The following SHISA9 variants were observed in gnomAD, a reference collection of about 807,000 sequenced individuals.
The protein encoded by SHISA9 is protein shisa-9.
Under a neutral mutation model 38.0 loss-of-function variants are expected in SHISA9, and 13 were observed. That is an observed-to-expected ratio of 0.34 (90% CI 0.22 to 0.54). The LOEUF is 0.54. Among genes scored for constraint, SHISA9 ranks in the 20% least tolerant of loss-of-function variants. The pLI is 0.91. For synonymous variants in SHISA9, 275 were observed against 242.0 expected (o/e 1.14, Z -1.27); for missense variants, 538 against 575.8 (o/e 0.93, Z 0.67).
At position 13,236,281 on chromosome 16, in the gene SHISA9, A is replaced by G. The variant is rs1219454187; in HGVS notation, c.*872A>G. ...AAAATGTAAGCCCACTACAAAACAG[A>G]TAAAAACGGCAAATTAGGTGTTTTT... On this transcript the variant is annotated 3_prime_UTR_variant, in exon 5 of 5. Coordinates refer to ENST00000558583, the MANE Select transcript of SHISA9 (RefSeq NM_001145204.3). The G allele has an allele frequency of 6.9e-6, 1 of 144,756 alleles. No homozygotes were observed. The highest frequency in any genetic ancestry group is 1.5e-5 in the Non-Finnish European group (1 of 67,036). The allele number at this position is 144,756 out of a possible 1,614,324, so 9.0% of individuals were successfully genotyped here.
the SHISA9 span, among the ~76,000 whole-genome samples, chr16:13,464,614 C>A: frequency 6.6e-6 from 1 of 152,154 alleles, no homozygotes; most frequent in Non-Finnish European, 1.5e-5. Flanking sequence ...TTTCCCAAAA[C>A]CACTGATTTG....
chr16:13,491,959 G>T, the SHISA9 span, among the ~76,000 whole-genome samples: 1 of 147,550 alleles, frequency 6.8e-6, no homozygotes, highest in African/African-American at 2.5e-5. Flanking sequence ...TAACAAGCAT[G>T]AGCCACCATG....
At chr16:13,313,305 G>C in the SHISA9 span, among the ~76,000 whole-genome samples, 6 of 149,336 alleles carry the variant, frequency 4.0e-5, no homozygotes, top group Admixed American at 1.3e-4. Context: ...TCAAGGTTTA[G>C]ATATGTTATT....
intron 2 of SHISA9, among the ~76,000 whole-genome samples, chr16:13,128,552 A>G (rs2050280405): frequency 6.6e-6 from 1 of 152,194 alleles, no homozygotes; most frequent in African/African-American, 2.4e-5. Flanking sequence ...GAGAATGATC[A>G]TGACTGAGAT....
intron 2 of SHISA9, among the ~76,000 whole-genome samples, chr16:12,990,282 C>A (rs202207448): frequency 1.3e-5 from 2 of 152,158 alleles, no homozygotes; most frequent in East Asian, 3.9e-4. Context: ...GACTTATATT[C>A]CTTTGGGCAT....
intron 2 of SHISA9, among the ~76,000 whole-genome samples, chr16:12,969,399 G>T (rs940145931): frequency 6.7e-6 from 1 of 149,880 alleles, no homozygotes; most frequent in Admixed American, 6.7e-5. Context: ...GTGCTCACTT[G>T]GTGGAAATTC....
intron 2 of SHISA9, among the ~76,000 whole-genome samples, chr16:13,107,217 A>T (rs1295707459): frequency 2.6e-5 from 4 of 151,962 alleles, no homozygotes; most frequent in African/African-American, 4.8e-5. Context: ...AGATCACCTG[A>T]GGTCAGTAGT....
At chr16:13,026,861 G>A (rs752087729) in intron 2 of SHISA9, among the ~76,000 whole-genome samples, 2 of 152,148 alleles carry the variant, frequency 1.3e-5, no homozygotes, top group Non-Finnish European at 2.9e-5. Flanking sequence ...CATTTTATAG[G>A]AGAAGGATGT....
At chr16:13,038,911 C>T (rs1035566926) in intron 2 of SHISA9, among the ~76,000 whole-genome samples, 1 of 152,080 alleles carries the variant, frequency 6.6e-6, no homozygotes, top group Non-Finnish European at 1.5e-5. Context: ...AAAGAATTCC[C>T]AATATTATTA....
Position 12,909,466 on chromosome 16 carries a change from C to A in SHISA9, c.563+6839C>A, listed in dbSNP as rs573070351. 4.1e-6 allele frequency: 4 copies of A among 985,394 alleles called. No homozygotes were observed. In the African/African-American group the frequency reaches 7.0e-5, roughly 17 times the overall value. The allele number at this position is 985,394 out of a possible 1,614,324, so 61.0% of individuals were successfully genotyped here. ...ACCTGGAGGCTTTGAAGCAAGATACCGGGACTCTGAGTTCTGTTTGGAAAT... is the reference window on the plus strand; with the variant it reads ...ACCTGGAGGCTTTGAAGCAAGATACAGGGACTCTGAGTTCTGTTTGGAAAT... On this transcript the variant is annotated intron_variant, in intron 1 of 4. Transcript: ENST00000558583.
At chr16:13,352,816 GC>G in the SHISA9 span, among the ~76,000 whole-genome samples, 4 of 151,480 alleles carry the variant, frequency 2.6e-5, no homozygotes, top group African/African-American at 7.3e-5. Flanking sequence ...CAGTGGGGGA[GC>G]TTTTTGAGCC....
At chr16:13,121,757 T>G (rs1398558154) in intron 2 of SHISA9, among the ~76,000 whole-genome samples, 1 of 151,860 alleles carries the variant, frequency 6.6e-6, no homozygotes, top group East Asian at 1.9e-4. Context: ...TTTTGTCAGT[T>G]TTTGTTCAAA....
At chr16:12,935,915 A>C (rs925274171) in intron 2 of SHISA9, among the ~76,000 whole-genome samples, 1 of 150,724 alleles carries the variant, frequency 6.6e-6, no homozygotes, top group African/African-American at 2.4e-5. Context: ...AGGAGATGTG[A>C]GTGGACATGA....
chr16:12,906,461 T>TG (rs771935081), intron 1 of SHISA9, among the ~76,000 whole-genome samples: 1 of 151,282 alleles, frequency 6.6e-6, no homozygotes, highest in African/African-American at 2.4e-5. Flanking sequence ...CAGGAAGCGG[T>TG]GGGGGGAGGC....
chr16:13,513,794 CATGGACACAGGGAG>C, the SHISA9 span, among the ~76,000 whole-genome samples: 1 of 152,088 alleles, frequency 6.6e-6, no homozygotes, highest in Non-Finnish European at 1.5e-5. Flanking sequence ...AATGAAAACA[CATGGACACAGGGAG>C]GAGGACAACA....
At chr16:13,461,991 A>G in the SHISA9 span, among the ~76,000 whole-genome samples, 1 of 152,090 alleles carries the variant, frequency 6.6e-6, no homozygotes, top group South Asian at 2.1e-4. Context: ...CATACCTAGT[A>G]TTTTCCAGTC....
At chr16:13,057,511 G>T (rs1416420086) in intron 2 of SHISA9, among the ~76,000 whole-genome samples, 1 of 152,048 alleles carries the variant, frequency 6.6e-6, no homozygotes, top group African/African-American at 2.4e-5. Flanking sequence ...AGATTCTTGG[G>T]CTTCACCATA....
intron 2 of SHISA9, among the ~76,000 whole-genome samples, chr16:13,073,120 G>A (rs1455670400): frequency 1.3e-5 from 2 of 152,062 alleles, no homozygotes; most frequent in African/African-American, 4.8e-5. Context: ...GAAGGAAACT[G>A]AGGCTCTGAG....
At chr16:12,934,262 C>A (rs2071499585) in intron 2 of SHISA9, among the ~76,000 whole-genome samples, 1 of 152,200 alleles carries the variant, frequency 6.6e-6, no homozygotes, top group African/African-American at 2.4e-5. Flanking sequence ...ATGCGCTAGA[C>A]AGTATGTTAG....
Sources: gnomAD v4.1 joint callset for allele counts (sites outside exome capture counted in the v4.1 genomes callset) on GRCh38, gnomAD v4.1.1 for gene constraint, MANE v1.5 for transcripts, NCBI Gene and HGNC (gene_info 2026-07-23, HGNC 2026-07-21) for gene names.